The following TBXAS1 variants were observed in gnomAD, a reference collection of about 807,000 sequenced individuals.
The protein encoded by TBXAS1 is thromboxane-A synthase.
TBXAS1 carries 48 observed loss-of-function variants against 60.7 expected under a neutral mutation model. The ratio of observed to expected loss-of-function variants is 0.79; its 90% CI spans 0.63 to 1.01. The LOEUF is 1.01. Among genes scored for constraint, TBXAS1 ranks in the 50% least tolerant of loss-of-function variants. The pLI, the probability that TBXAS1 is intolerant of heterozygous loss-of-function variation, is 0.00. For synonymous variants in TBXAS1, 287 were observed against 269.7 expected (o/e 1.06, Z -0.63); for missense variants, 685 against 686.3 (o/e 1.00, Z 0.02).
chr7:139,869,664 C>T (rs780414423), intron 1 of TBXAS1, among the ~76,000 whole-genome samples: 2 of 152,208 alleles, frequency 1.3e-5, no homozygotes, highest in Non-Finnish European at 2.9e-5. Flanking sequence ...GCTGGGATTA[C>T]AGGCATCAGC....
intron 6 of TBXAS1, 36 bp from the exon 7 acceptor site, chr7:139,955,423 A>G: frequency 6.2e-7 from 1 of 1,613,902 alleles, no homozygotes; most frequent in Non-Finnish European, 8.5e-7. Flanking sequence ...CCCCTGCCAG[A>G]GTCCTTTCAG....
intron 9 of TBXAS1, among the ~76,000 whole-genome samples, chr7:139,993,446 A>C (rs768661833): frequency 1.3e-5 from 2 of 152,230 alleles, no homozygotes; most frequent in Non-Finnish European, 2.9e-5. Flanking sequence ...GGTATCCATC[A>C]GTGAATACAG....
At chr7:139,982,965 CA>C (rs1489532765) in intron 9 of TBXAS1, among the ~76,000 whole-genome samples, 1 of 152,164 alleles carries the variant, frequency 6.6e-6, no homozygotes, top group Non-Finnish European at 1.5e-5. Flanking sequence ...TTCTAGTATC[CA>C]TTTTCCTGGT....
intron 1 of TBXAS1, among the ~76,000 whole-genome samples, chr7:139,836,743 C>T (rs907286400): frequency 6.6e-6 from 1 of 152,208 alleles, no homozygotes; most frequent in Non-Finnish European, 1.5e-5. Context: ...CCCTTCTAGA[C>T]ATTGGCTTAG....
intron 11 of TBXAS1, 61 bp from the exon 12 acceptor site, chr7:140,017,610 C>A: frequency 6.2e-7 from 1 of 1,600,742 alleles, no homozygotes; most frequent in Non-Finnish European, 8.5e-7. Flanking sequence ...AGCTGGAGCA[C>A]AGGGCTGCAG....
intron 4 of TBXAS1, among the ~76,000 whole-genome samples, chr7:139,818,496 C>T (rs1207258524): frequency 6.6e-6 from 1 of 152,126 alleles, no homozygotes; most frequent in African/African-American, 2.4e-5. Flanking sequence ...TAGGTATGAG[C>T]CACCACGCCC....
At chr7:139,887,664 C>G (rs1028013428) in intron 3 of TBXAS1, among the ~76,000 whole-genome samples, 6 of 152,060 alleles carry the variant, frequency 3.9e-5, no homozygotes, top group Non-Finnish European at 5.9e-5. Flanking sequence ...TTTGTTTATT[C>G]GTTTGTTTGT....
chr7:139,910,466 G>C (rs1424531906), intron 3 of TBXAS1, among the ~76,000 whole-genome samples: 1 of 152,062 alleles, frequency 6.6e-6, no homozygotes, highest in Non-Finnish European at 1.5e-5. Context: ...GTGAAACGCT[G>C]TCTCTACTAA....
intron 4 of TBXAS1, among the ~76,000 whole-genome samples, chr7:139,811,334 G>T (rs959201836): frequency 1.3e-5 from 2 of 152,346 alleles, no homozygotes; most frequent in Non-Finnish European, 1.5e-5. Context: ...GTGTGGGTAA[G>T]AGGGATGAGC....
At chr7:139,861,264 C>T (rs780265646) in intron 1 of TBXAS1, among the ~76,000 whole-genome samples, 2 of 151,936 alleles carry the variant, frequency 1.3e-5, no homozygotes, top group African/African-American at 4.8e-5. Context: ...GACAGGGTCT[C>T]GCTCTGTTGC....
At chr7:140,009,693 C>A (rs1352965585) in intron 10 of TBXAS1, among the ~76,000 whole-genome samples, 1 of 100,464 alleles carries the variant, frequency 1.0e-5, no homozygotes, top group African/African-American at 4.0e-5. Flanking sequence ...CCACCCCACA[C>A]CTGCCCCACA....
In TBXAS1 at chr7:139,936,249, G is replaced by A. The variant is rs751005900; in HGVS notation, c.392G>A (p.Arg131Lys). ...ADSVLFLRDKRWEEVRGALMS... is the reference protein window; with the variant it reads ...ADSVLFLRDKKWEEVRGALMS... ...AGCGTTCTGTTTTTACGTGACAAAA[G>A]ATGGGAAGAGGTCAGAGGTGCCCTG... Residue 131 changes from arginine to lysine, a missense_variant, in exon 5 of 13, where the codon AGA becomes AAA. Transcript: ENST00000448866. The A allele has an allele frequency of 2.5e-6, 4 of 1,614,244 alleles. No homozygotes were observed. The South Asian group carries it at 4.4e-5, about 18-fold the overall frequency.
chr7:139,975,851 CCT>C lies in TBXAS1; in HGVS notation c.1134+13619_1134+13620del, dbSNP rs1395101779. Among the ~76,000 whole-genome samples the C allele has an allele frequency of 6.6e-6, 1 of 152,200 alleles. No homozygotes were observed. The highest frequency in any genetic ancestry group is 2.4e-5 in the African/African-American group (1 of 41,448). On this transcript the variant is annotated intron_variant, in intron 9 of 12. Coordinates refer to ENST00000448866, the MANE Select transcript of TBXAS1 (RefSeq NM_001061.7). This position sits in a 1 kb window ranked among gnomAD's most constrained non-coding sequence, Gnocchi z 4.4. ...TGAAGAGTGCATGGGCAGCTTCTCC[CCT>C]GACATCCCTACCTCCCTGACGCTTA...
chr7:139,887,574 G>A (rs1382059272), intron 3 of TBXAS1, among the ~76,000 whole-genome samples: 1 of 152,140 alleles, frequency 6.6e-6, no homozygotes, highest in Non-Finnish European at 1.5e-5. Flanking sequence ...TATCCTCAAG[G>A]TTAATCCATG....
intron 1 of TBXAS1, among the ~76,000 whole-genome samples, chr7:139,835,826 G>A (rs1019709906): frequency 2.0e-5 from 3 of 152,094 alleles, no homozygotes; most frequent in Non-Finnish European, 4.4e-5. Context: ...TTGCTAAAGA[G>A]GAAGTCAAAC....
intron 4 of TBXAS1, among the ~76,000 whole-genome samples, chr7:139,793,631 G>C (rs1403127885): frequency 6.6e-6 from 1 of 152,190 alleles, no homozygotes; most frequent in African/African-American, 2.4e-5. Flanking sequence ...TCTGCTGAAA[G>C]AGTCAAAGAA....
At chr7:139,832,277 A>G (rs1360518661) in intron 1 of TBXAS1, among the ~76,000 whole-genome samples, 1 of 152,160 alleles carries the variant, frequency 6.6e-6, no homozygotes, top group East Asian at 1.9e-4. Flanking sequence ...AAACAATAGA[A>G]AATTCAGGAA....
rs775274346 is a variant in TBXAS1 at position 140,015,873 on chromosome 7, C to A, written c.1364+13C>A. The stretch of plus-strand genomic sequence containing the variant: ...TCAACCCTGAAAGGTGAGTACTGCC[C>A]CTTTTAAAAAGCTCTGAAGGGATGT... On this transcript the variant is annotated intron_variant, in intron 11 of 12. Transcript: ENST00000448866. 6.2e-7 allele frequency: 1 copy of A among 1,613,510 alleles called. No individual in the cohort carries two copies.
intron 4 of TBXAS1, among the ~76,000 whole-genome samples, chr7:139,932,061 G>A (rs1018174994): frequency 1.3e-5 from 2 of 151,718 alleles, no homozygotes; most frequent in South Asian, 2.1e-4. Context: ...CAGCTACTTG[G>A]GAGGCTGAGA....
Sources: gnomAD v4.1 joint callset for allele counts (sites outside exome capture counted in the v4.1 genomes callset) on GRCh38, gnomAD v4.1.1 for gene constraint, Gnocchi (gnomAD v3.1) non-coding constraint, MANE v1.5 for transcripts, NCBI Gene and HGNC (gene_info 2026-07-23, HGNC 2026-07-21) for gene names.